Variants in TASP1 observed in about 807,000 individuals in gnomAD.
TASP1 encodes taspase 1.
Under a neutral mutation model 56.6 loss-of-function variants are expected in TASP1, and 16 were observed. The ratio of observed to expected loss-of-function variants is 0.28; its 90% CI spans 0.19 to 0.43. TASP1 has a LOEUF of 0.43. Ranked by LOEUF, TASP1 falls within the 20% of genes least tolerant of loss-of-function variation. TASP1 has a pLI of 1.00. For synonymous variants in TASP1, 179 were observed against 184.2 expected, an observed-to-expected ratio of 0.97 and a Z score of 0.23; for missense variants, 393 against 511.6, an observed-to-expected ratio of 0.77 and a Z score of 2.24.
intron 12 of TASP1, among the ~76,000 whole-genome samples, chr20:13,433,244 G>A (rs2042875831): frequency 6.6e-6 from 1 of 152,094 alleles, no homozygotes; most frequent in African/African-American, 2.4e-5. Context: ...TTCTGTTCCT[G>A]TGTTAAGTTT....
intron 12 of TASP1, among the ~76,000 whole-genome samples, chr20:13,425,893 T>C (rs6042089): frequency 0.063 from 9,639 of 152,256 alleles, 452 homozygotes; most frequent in African/African-American, 0.13. Flanking sequence ...TGTCCCATTA[T>C]GGCCATGAAG....
chr20:13,346,795 C>T, the TASP1 span, among the ~76,000 whole-genome samples: 1 of 152,192 alleles, frequency 6.6e-6, no homozygotes, highest in African/African-American at 2.4e-5. Context: ...TACCTTAGTT[C>T]CTCAAGATAC....
At chr20:13,568,653 T>A (rs1172902792) in intron 7 of TASP1, among the ~76,000 whole-genome samples, 1 of 152,054 alleles carries the variant, frequency 6.6e-6, no homozygotes, top group East Asian at 1.9e-4. Flanking sequence ...GGTATAAGAT[T>A]TTTTTCAAAA....
chr20:13,608,996 AATTT>A lies in TASP1; in HGVS notation c.282+14446_282+14449del, dbSNP rs1462469428. ...AAAAGAAAACTATAGCAGTAGTTAC[AATTT>A]ATTTATCATTTTTTTGGACATAATT... On this transcript the variant is annotated intron_variant, in intron 4 of 13. Transcript: ENST00000337743. Among the ~76,000 whole-genome samples the A allele has an allele frequency of 2.0e-5, 3 of 152,358 alleles. No individual in the cohort carries two copies. The East Asian group carries it at 5.8e-4, about 29-fold the overall frequency.
At chr20:13,633,559 A>AG (rs1275023380) in intron 1 of TASP1, among the ~76,000 whole-genome samples, 2 of 152,174 alleles carry the variant, frequency 1.3e-5, no homozygotes, top group Non-Finnish European at 2.9e-5. Context: ...ATCCAAATTG[A>AG]GGGGGAAGGA....
chr20:13,284,219 G>A, the TASP1 span, among the ~76,000 whole-genome samples: 2 of 152,314 alleles, frequency 1.3e-5, no homozygotes, highest in Admixed American at 6.5e-5. Context: ...AGGTTTACTA[G>A]TGGCCAAGTC....
chr20:13,461,540 T>C (rs1265772163), intron 11 of TASP1, among the ~76,000 whole-genome samples: 1 of 152,170 alleles, frequency 6.6e-6, no homozygotes, highest in Admixed American at 6.6e-5. Flanking sequence ...TGGCAAGCTT[T>C]TTCCATAAAG....
At chr20:13,460,792 T>C (rs948278965) in intron 11 of TASP1, among the ~76,000 whole-genome samples, 1 of 152,092 alleles carries the variant, frequency 6.6e-6, no homozygotes, top group Non-Finnish European at 1.5e-5. Flanking sequence ...TCTACCTCCA[T>C]TACCCTGGTC....
intron 11 of TASP1, among the ~76,000 whole-genome samples, chr20:13,463,352 T>C (rs2044128881): frequency 1.3e-5 from 2 of 152,044 alleles, no homozygotes; most frequent in Non-Finnish European, 2.9e-5. Context: ...TTACAACATA[T>C]GCAAAAATAA....
chr20:13,117,495 T>G, the TASP1 span: 1 of 1,564,386 alleles, frequency 6.4e-7, no homozygotes, highest in South Asian at 1.2e-5. Context: ...GCATTTCTCC[T>G]TCTGCCCTAG....
the TASP1 span, among the ~76,000 whole-genome samples, chr20:13,270,982 G>A: frequency 1.1e-4 from 17 of 152,208 alleles, no homozygotes; most frequent in South Asian, 2.7e-3. Flanking sequence ...ACCAATTAAA[G>A]TATGACACAC....
chr20:13,305,117 G>T, the TASP1 span, among the ~76,000 whole-genome samples: 1 of 150,842 alleles, frequency 6.6e-6, no homozygotes, highest in South Asian at 2.1e-4. Flanking sequence ...TTTTGCTATG[G>T]GTGATAAATC....
At chr20:13,283,103 C>T in the TASP1 span, among the ~76,000 whole-genome samples, 6 of 152,054 alleles carry the variant, frequency 3.9e-5, no homozygotes, top group South Asian at 2.1e-4. Flanking sequence ...TGCAGTGGTG[C>T]GATCATAGCT....
chr20:13,569,837 A>G (rs2046653694), intron 6 of TASP1, among the ~76,000 whole-genome samples: 1 of 152,128 alleles, frequency 6.6e-6, no homozygotes, highest in Non-Finnish European at 1.5e-5. Flanking sequence ...GGCAAACTCA[A>G]ACATAATAAG....
the TASP1 span, among the ~76,000 whole-genome samples, chr20:13,343,031 G>C: frequency 1.2e-4 from 18 of 152,306 alleles, 1 homozygote; most frequent in East Asian, 2.3e-3. Context: ...CTTCTCCTGA[G>C]GAAATACCAC....
chr20:13,332,867 G>A, the TASP1 span, among the ~76,000 whole-genome samples: 1 of 152,192 alleles, frequency 6.6e-6, no homozygotes, highest in Non-Finnish European at 1.5e-5. Flanking sequence ...CTTTGGGGCT[G>A]TCAGGGCTGT....
the TASP1 span, among the ~76,000 whole-genome samples, chr20:13,118,456 A>G: frequency 6.6e-6 from 1 of 151,346 alleles, no homozygotes; most frequent in African/African-American, 2.4e-5. Flanking sequence ...GTGGAAAAAA[A>G]AAACAAAAAA....
chr20:13,352,581 C>T, the TASP1 span, among the ~76,000 whole-genome samples: 1 of 152,108 alleles, frequency 6.6e-6, no homozygotes, highest in African/African-American at 2.4e-5. Context: ...AGTGATGGGC[C>T]TGTGTGCTGG....
intron 4 of TASP1, among the ~76,000 whole-genome samples, chr20:13,595,643 T>A (rs1217016562): frequency 2.0e-5 from 3 of 152,122 alleles, no homozygotes; most frequent in Non-Finnish European, 4.4e-5. Flanking sequence ...CATTACATAA[T>A]GGTAAAGGGA....
Sources: allele counts gnomAD v4.1 joint callset (sites outside exome capture counted in the v4.1 genomes callset), GRCh38; gene constraint gnomAD v4.1.1; transcripts MANE v1.5; gene names NCBI Gene and HGNC (gene_info 2026-07-23, HGNC 2026-07-21).